The following CALN1 variants were observed in gnomAD, a reference collection of about 807,000 sequenced individuals.
CALN1 encodes calcium-binding protein 8.
CALN1 carries 17 observed loss-of-function variants against 30.6 expected under a neutral mutation model. The ratio of observed to expected loss-of-function variants is 0.56; its 90% CI spans 0.38 to 0.83. The LOEUF is 0.83. Among genes scored for constraint, CALN1 ranks in the 40% least tolerant of loss-of-function variants. The pLI is 0.00. For synonymous variants in CALN1, 156 were observed against 131.4 expected (o/e 1.19, Z -1.28); for missense variants, 291 against 354.9 (o/e 0.82, Z 1.45).
At chr7:72,475,941 C>CTTTTT in the CALN1 span, among the ~76,000 whole-genome samples, 14 of 75,878 alleles carry the variant, frequency 1.8e-4, no homozygotes, top group Admixed American at 5.1e-4. Flanking sequence ...CTCTCTCTCT[C>CTTTTT]TTTTTTTTTT....
intron 2 of CALN1, among the ~76,000 whole-genome samples, chr7:72,325,898 G>GT (rs1216172647): frequency 6.6e-6 from 1 of 152,062 alleles, no homozygotes; most frequent in Non-Finnish European, 1.5e-5. Context: ...TGATTTAACT[G>GT]TTTTTTGGTG....
the CALN1 span, among the ~76,000 whole-genome samples, chr7:72,478,637 A>C: frequency 2.6e-5 from 4 of 151,954 alleles, no homozygotes; most frequent in South Asian, 8.3e-4. Context: ...CTCAGGGCCT[A>C]GTAAGGTGTA....
chr7:72,050,910 T>C (rs1325150807), intron 4 of CALN1, among the ~76,000 whole-genome samples: 1 of 151,818 alleles, frequency 6.6e-6, no homozygotes, highest in East Asian at 1.9e-4. Context: ...GAGAATCGCA[T>C]GAACCCAGGA....
chr7:72,488,573 T>C, the CALN1 span, among the ~76,000 whole-genome samples: 1 of 152,084 alleles, frequency 6.6e-6, no homozygotes, highest in Non-Finnish European at 1.5e-5. Context: ...AACCCCAAAG[T>C]GTAGGGCTCT....
the CALN1 span, among the ~76,000 whole-genome samples, chr7:72,502,316 G>A: frequency 6.7e-6 from 1 of 149,996 alleles, no homozygotes; most frequent in African/African-American, 2.4e-5. Context: ...ACTGAATTCT[G>A]AAGATATAAT....
intron 2 of CALN1, among the ~76,000 whole-genome samples, chr7:72,397,714 T>TCTCTCACACACA (rs142607076): frequency 8.4e-5 from 12 of 142,912 alleles, no homozygotes; most frequent in African/African-American, 2.4e-4. Flanking sequence ...CCATTCTCTC[T>TCTCTCACACACA]CACACACACA....
At chr7:72,014,085 CTT>C (rs71092941) in intron 5 of CALN1, among the ~76,000 whole-genome samples, 21 of 123,378 alleles carry the variant, frequency 1.7e-4, no homozygotes, top group Admixed American at 1.7e-4. Flanking sequence ...TGAGTTGGCT[CTT>C]TTTTTTTTTT....
At chr7:72,381,394 TA>T (rs533390192) in intron 2 of CALN1, among the ~76,000 whole-genome samples, 276 of 152,292 alleles carry the variant, frequency 1.8e-3, no homozygotes, top group African/African-American at 6.2e-3. Flanking sequence ...CATGTATGTT[TA>T]CTGCAGCACT....
At chr7:72,348,005 C>T (rs1020092813) in intron 2 of CALN1, among the ~76,000 whole-genome samples, 1 of 152,038 alleles carries the variant, frequency 6.6e-6, no homozygotes, top group Non-Finnish European at 1.5e-5. Flanking sequence ...GTAGCAGGTG[C>T]CCATAATCCC....
intron 5 of CALN1, among the ~76,000 whole-genome samples, chr7:71,967,465 T>A (rs1797582118): frequency 6.6e-6 from 1 of 151,646 alleles, no homozygotes; most frequent in African/African-American, 2.4e-5. Flanking sequence ...TTGTCTCTAC[T>A]AAAAATCAAA....
At chr7:71,848,171 A>T (rs1256540065) in intron 5 of CALN1, among the ~76,000 whole-genome samples, 1 of 152,220 alleles carries the variant, frequency 6.6e-6, no homozygotes, top group African/African-American at 2.4e-5. Flanking sequence ...GGGAATGCCA[A>T]TTTTAAAGAA....
At chr7:72,401,528 TAG>T (rs1476184050) in intron 2 of CALN1, among the ~76,000 whole-genome samples, 2 of 152,132 alleles carry the variant, frequency 1.3e-5, no homozygotes, top group Non-Finnish European at 2.9e-5. Context: ...CCAGAAGGTG[TAG>T]AGACCCTTAG....
chr7:72,366,593 G>C (rs1303378964), intron 2 of CALN1, among the ~76,000 whole-genome samples: 1 of 152,026 alleles, frequency 6.6e-6, no homozygotes, highest in Non-Finnish European at 1.5e-5. Flanking sequence ...TCTGAGCAAT[G>C]TACATTGTAC....
At chr7:71,810,903 T>A (rs1787913780) in intron 5 of CALN1, among the ~76,000 whole-genome samples, 2 of 151,758 alleles carry the variant, frequency 1.3e-5, no homozygotes, top group Admixed American at 1.3e-4. Flanking sequence ...TATCTTTTTT[T>A]TTTTTTTTTT....
intron 2 of CALN1, among the ~76,000 whole-genome samples, chr7:72,293,447 T>C (rs980628312): frequency 3.3e-5 from 5 of 152,176 alleles, no homozygotes; most frequent in Non-Finnish European, 7.3e-5. Flanking sequence ...CAGATCGAGA[T>C]GGGGAAAAAT....
intron 3 of CALN1, among the ~76,000 whole-genome samples, chr7:72,223,174 G>C (rs17144404): frequency 6.6e-6 from 1 of 152,062 alleles, no homozygotes; most frequent in African/African-American, 2.4e-5. Flanking sequence ...TTTATTTAAC[G>C]GGCCGCGGTC....
At chr7:72,382,023 T>A (rs533187492) in intron 2 of CALN1, among the ~76,000 whole-genome samples, 2 of 152,208 alleles carry the variant, frequency 1.3e-5, no homozygotes, top group East Asian at 3.9e-4. Flanking sequence ...GAGAAGAGAC[T>A]CACAGGTAAT....
intron 2 of CALN1, 68 bp from the exon 3 acceptor site, chr7:72,278,878 A>C: frequency 6.4e-7 from 1 of 1,562,526 alleles, no homozygotes; most frequent in Non-Finnish European, 8.7e-7. Context: ...TCCTTTCTTA[A>C]AGGACCATCT....
At chr7:72,271,575 A>AAAAAAAAATATATATATATATATATAT in intron 3 of CALN1, among the ~76,000 whole-genome samples, 5 of 52,126 alleles carry the variant, frequency 9.6e-5, no homozygotes, top group Admixed American at 2.0e-4. Context: ...AAAAAAAAAA[A>AAAAAAAAATATATATATATATATATAT]ATATATATAT....
Sources: gnomAD v4.1 joint callset for allele counts (sites outside exome capture counted in the v4.1 genomes callset) on GRCh38, gnomAD v4.1.1 for gene constraint, MANE v1.5 for transcripts, NCBI Gene and HGNC (gene_info 2026-07-23, HGNC 2026-07-21) for gene names.